LRP2: variants seen among roughly 807,000 people sequenced by gnomAD.
LRP2 encodes the protein low-density lipoprotein receptor-related protein 2.
In LRP2, 172 loss-of-function variants were observed where a neutral mutation model predicts 531.0. The ratio of observed to expected loss-of-function variants is 0.32; its 90% CI spans 0.29 to 0.37. The LOEUF is 0.37. LRP2 is among the 10% of genes least tolerant of loss of function. The probability of loss-of-function intolerance (pLI) is 1.00; values close to 1 mark genes in which losing one functional copy is unlikely to be tolerated. For synonymous variants in LRP2, 1,992 were observed against 2,027.6 expected, an observed-to-expected ratio of 0.98 and a Z score of 0.47; for missense variants, 5,167 against 5,868.3, an observed-to-expected ratio of 0.88 and a Z score of 3.90.
intron 36 of LRP2, among the ~76,000 whole-genome samples, 182 bp from the exon 37 acceptor site, chr2:169,212,389 G>T (rs1448697148): frequency 1.3e-5 from 2 of 152,042 alleles, no homozygotes; most frequent in African/African-American, 2.4e-5. Flanking sequence ...AACACCTAAA[G>T]GTATGAAACC....
In LRP2 at chr2:169,279,531, G is replaced by A; in HGVS notation, c.1406C>T (p.Pro469Leu). 1.2e-6 allele frequency: 2 copies of A among 1,613,870 alleles called. No individual in the cohort carries two copies. The highest frequency in any genetic ancestry group is 1.7e-6 in the Non-Finnish European group (2 of 1,179,862). The change falls in exon 12 of 79, where the codon CCA becomes CTA. Residue 469 changes from proline (P) to leucine (L), a missense_variant. By Grantham distance (98) the Pro-to-Leu change is moderately conservative. Around this residue, in one of 6 missense-constraint regions of LRP2, gnomAD observed 2,811 missense variants for 3,058.0 expected, o/e 0.92. Transcript: ENST00000649046. The part of the protein sequence containing the change: ...QEVLNVSVET[P>L]ENLAVDWVNN... The stretch of plus-strand genomic sequence containing the variant: ...AACCCAGTCCACAGCCAGGTTCTCT[G>A]GGGTTTCAACAGAAACATTGAGAAC...
At position 169,209,493 on chromosome 2, in the gene LRP2, T is replaced by G; in HGVS notation, c.6429A>C (p.Gly2143=). The G allele has an allele frequency of 6.2e-7, 1 of 1,614,126 alleles. No individual in the cohort carries two copies. The highest frequency in any genetic ancestry group is 8.5e-7 in the Non-Finnish European group (1 of 1,179,994). ...SLMNIVTHGI[G]ENGVRGIAVD... ...CTGCAATACCCCGGACTCCATTTTCTCCTATTCCATGTGTCACAATGTTCA... is the reference window on the plus strand; with the variant it reads ...CTGCAATACCCCGGACTCCATTTTCGCCTATTCCATGTGTCACAATGTTCA... The change falls in exon 38 of 79, where the codon GGA becomes GGC. Residue 2143 remains glycine (G), a synonymous_variant. Transcript: ENST00000649046.
At chr2:169,307,160 T>C (rs1421434437) in intron 4 of LRP2, 121 bp downstream of exon 4, 1 of 759,646 alleles carries the variant, frequency 1.3e-6, no homozygotes, top group Non-Finnish European at 2.4e-6. Flanking sequence ...TGCCAAGAGA[T>C]TGCAATAACA....
At chr2:169,226,663 G>A (rs1477331957) in intron 31 of LRP2, 75 bp from the exon 32 acceptor site, 2 of 1,089,822 alleles carry the variant, frequency 1.8e-6, no homozygotes, top group African/African-American at 3.1e-5. Flanking sequence ...GAAGGCAATA[G>A]CCTGTTACCA....
Position 169,241,301 on chromosome 2 carries a change from G to T in LRP2, c.3732C>A (p.Ile1244=), listed in dbSNP as rs761045582. The change falls in exon 25 of 79, where the codon ATC becomes ATA. Residue 1244 remains isoleucine, a synonymous_variant. Coordinates refer to ENST00000649046, the MANE Select transcript of LRP2 (RefSeq NM_004525.3). Reference sequence around the variant, plus strand: ...GCCCATCACATTCCCAGAAGTTCGGGATGCAGATACCATCTTCTTGGCACT... The same window carrying T: ...GCCCATCACATTCCCAGAAGTTCGGTATGCAGATACCATCTTCTTGGCACT... ...EFQCQEDGIC[I]PNFWECDGHP... The T allele has an allele frequency of 9.3e-6, 15 of 1,614,160 alleles. No homozygotes were observed. The highest frequency in any genetic ancestry group is 1.6e-4 in the Middle Eastern group (1 of 6,062).
intron 1 of LRP2, among the ~76,000 whole-genome samples, chr2:169,337,551 C>A (rs1182345966): frequency 6.6e-6 from 1 of 152,106 alleles, no homozygotes; most frequent in East Asian, 1.9e-4. Context: ...AAGAAAAAGG[C>A]CCTAAGGAAA....
intron 16 of LRP2, among the ~76,000 whole-genome samples, chr2:169,265,314 A>G (rs905069704): frequency 6.6e-6 from 1 of 152,044 alleles, no homozygotes; most frequent in Non-Finnish European, 1.5e-5. Flanking sequence ...CTGGCAACCA[A>G]GCCACCTTCC....
chr2:169,225,415 C>A lies in LRP2; in HGVS notation c.5433G>T (p.Arg1811Ser), dbSNP rs1689165717. ...IHRVKTDGTN[R>S]TVFASISMVG... ...CCATAGATATAGAAGCAAATACTGT[C>A]CTGTTGGTGCCATCTGTCTTCACTC... The change falls in exon 33 of 79, where the codon AGG becomes AGT. Residue 1811 changes from arginine (R) to serine (S), a missense_variant. Transcript: ENST00000649046. 6.2e-7 allele frequency: 1 copy of A among 1,613,920 alleles called. No homozygotes were observed.
rs1468469133 is a variant in LRP2, at chr2:169,176,529, C to G, written c.10453G>C (p.Gly3485Arg). 6.2e-7 allele frequency: 1 copy of G among 1,614,088 alleles called. No individual in the cohort carries two copies. The highest frequency in any genetic ancestry group is 1.3e-5 in the African/African-American group (1 of 74,938). Residue 3485 changes from glycine (G) to arginine (R), a missense_variant, in exon 54 of 79, where the codon GGA becomes CGA. Around this residue, in one of 6 missense-constraint regions of LRP2, gnomAD observed 1,129 missense variants for 1,362.7 expected, o/e 0.83. Transcript: ENST00000649046. The part of the protein sequence containing the change: ...GCSHLCLIKP[G>R]GKGFTCECPD... ...CACTCGCAAGTGAACCCTTTTCCTC[C>G]TGGCTTGATGAGGCAGAGATGAGAA... is the stretch of plus-strand genomic sequence containing the variant.
chr2:169,212,254 G>A (rs543104866), intron 36 of LRP2, 47 bp from the exon 37 acceptor site: 19 of 1,613,068 alleles, frequency 1.2e-5, no homozygotes, highest in Middle Eastern at 1.7e-4. Flanking sequence ...CTAGCTACTC[G>A]CCACCCCATC....
chr2:169,325,059 C>T (rs75813274), intron 1 of LRP2, among the ~76,000 whole-genome samples: 1 of 75,772 alleles, frequency 1.3e-5, no homozygotes, highest in Non-Finnish European at 2.7e-5. Flanking sequence ...AAGTTTTTTT[C>T]AAAAAAAAAA....
intron 60 of LRP2, 108 bp downstream of exon 60, chr2:169,169,594 G>A: frequency 1.2e-6 from 1 of 848,140 alleles, no homozygotes; most frequent in Non-Finnish European, 2.1e-6. Flanking sequence ...ATGCTGAACA[G>A]ACAATACTTA....
chr2:169,310,793 T>C (rs955833463), intron 3 of LRP2, among the ~76,000 whole-genome samples: 3 of 152,236 alleles, frequency 2.0e-5, no homozygotes, highest in African/African-American at 7.2e-5. Flanking sequence ...CTCCTCCTTG[T>C]ACCTCTGGTA....
At chr2:169,336,581 A>C (rs1685412133) in intron 1 of LRP2, among the ~76,000 whole-genome samples, 1 of 151,710 alleles carries the variant, frequency 6.6e-6, no homozygotes, top group African/African-American at 2.4e-5. Flanking sequence ...GAGGAATGAA[A>C]TACCCCATTG....
At chr2:169,274,773 G>A (rs1190401608) in intron 14 of LRP2, among the ~76,000 whole-genome samples, 2 of 152,100 alleles carry the variant, frequency 1.3e-5, no homozygotes, top group Non-Finnish European at 2.9e-5. Flanking sequence ...AAGCATCTTT[G>A]CAGGTGCTAA....
Position 169,241,040 on chromosome 2 carries a change from C to T in LRP2, c.3993G>A (p.Val1331=), listed in dbSNP as rs1396796753. Reference sequence around the variant, plus strand: ...TGGGGCAGTCAAAGATGCCATCACACACTACACTCAGATTCACACAGATGT... The same window carrying T: ...TGGGGCAGTCAAAGATGCCATCACATACTACACTCAGATTCACACAGATGT... ...GHNICVNLSV[V]CDGIFDCPNG... The change falls in exon 25 of 79, where the codon GTG becomes GTA. Residue 1331 remains valine (V), a synonymous_variant. Transcript: ENST00000649046. 1 of 1,614,152 alleles carries T rather than the reference C, an allele frequency of 6.2e-7. No homozygotes were observed. Among genetic ancestry groups the T allele is most frequent in the Admixed American group, 1.7e-5 (1 of 60,022 alleles).
chr2:169,149,460 C>A (rs1686043630), intron 68 of LRP2, among the ~76,000 whole-genome samples: 1 of 152,244 alleles, frequency 6.6e-6, no homozygotes, highest in East Asian at 1.9e-4. Flanking sequence ...GCAGTGAAAC[C>A]CTTTCTCACT....
Position 169,128,617 on chromosome 2 carries a change from A to ATGTGCAAAAGTGTGTTTCTAAT in LRP2, c.*24_*45dup. On this transcript the variant is annotated 3_prime_UTR_variant, in exon 79 of 79. Transcript: ENST00000649046. ...TTTTTCATCTGTTTGTAAAAAATATATGTGCAAAAGTGTGTTTCTAATTAT... is the reference window on the plus strand; with the variant it reads ...TTTTTCATCTGTTTGTAAAAAATATATGTGCAAAAGTGTGTTTCTAATTGTGCAAAAGTGTGTTTCTAATTAT... The ATGTGCAAAAGTGTGTTTCTAAT allele has an allele frequency of 6.4e-7, 1 of 1,560,088 alleles. No homozygotes were observed. The highest frequency in any genetic ancestry group is 8.8e-7 in the Non-Finnish European group (1 of 1,131,310).
chr2:169,207,493 G>A (rs1343711573), intron 38 of LRP2, among the ~76,000 whole-genome samples: 1 of 152,132 alleles, frequency 6.6e-6, no homozygotes, highest in Non-Finnish European at 1.5e-5. Context: ...AAGTAGATTA[G>A]AATTCATAGC....
Sources: allele counts gnomAD v4.1 joint callset (sites outside exome capture counted in the v4.1 genomes callset), GRCh38; gene constraint gnomAD v4.1.1; regional missense constraint gnomAD v4.1.1; transcripts MANE v1.5; gene names NCBI Gene and HGNC (gene_info 2026-07-23, HGNC 2026-07-21).